The following SPA17 variants were observed in gnomAD, a reference collection of about 807,000 sequenced individuals.
SPA17 encodes the protein sperm surface protein Sp17.
Under a neutral mutation model 13.8 loss-of-function variants are expected in SPA17, and 7 were observed. The ratio of observed to expected loss-of-function variants is 0.51; its 90% CI spans 0.29 to 0.95. The LOEUF is 0.95. Ranked by LOEUF, SPA17 falls within the 40% of genes least tolerant of loss-of-function variation. The probability of loss-of-function intolerance (pLI) is 0.08; values close to 1 mark genes in which losing one functional copy is unlikely to be tolerated. For synonymous variants in SPA17, 61 were observed against 59.0 expected, an observed-to-expected ratio of 1.03 and a Z score of -0.16; for missense variants, 170 against 179.3, an observed-to-expected ratio of 0.95 and a Z score of 0.30.
At chr11:124,687,652 C>A (rs566271499) in intron 3 of SPA17, among the ~76,000 whole-genome samples, 1 of 152,054 alleles carries the variant, frequency 6.6e-6, no homozygotes, top group Non-Finnish European at 1.5e-5. Context: ...TCAACATATG[C>A]AAATCAATAA....
At chr11:124,686,913 CAGT>C (rs1329713133) in intron 3 of SPA17, among the ~76,000 whole-genome samples, 1 of 151,936 alleles carries the variant, frequency 6.6e-6, no homozygotes, top group Non-Finnish European at 1.5e-5. Context: ...ACAAACGAAA[CAGT>C]AGCAGAAGAG....
chr11:124,691,110 TAAAG>T (rs974214200), intron 3 of SPA17, among the ~76,000 whole-genome samples: 4 of 152,204 alleles, frequency 2.6e-5, no homozygotes, highest in African/African-American at 9.7e-5. Context: ...TTTTATGGGT[TAAAG>T]AAGCTCTTTC....
intron 3 of SPA17, among the ~76,000 whole-genome samples, chr11:124,690,050 A>G (rs1943611247): frequency 6.6e-6 from 1 of 152,230 alleles, no homozygotes; most frequent in Non-Finnish European, 1.5e-5. Context: ...GGAAAGCAGT[A>G]TGGAGATTTC....
chr11:124,677,376 A>T (rs1013956596), intron 2 of SPA17, among the ~76,000 whole-genome samples: 1 of 152,198 alleles, frequency 6.6e-6, no homozygotes, highest in Non-Finnish European at 1.5e-5. Flanking sequence ...ATGTTAGTAT[A>T]TGATTTAAAT....
intron 3 of SPA17, among the ~76,000 whole-genome samples, chr11:124,686,314 G>A (rs1048973930): frequency 6.6e-6 from 1 of 152,132 alleles, no homozygotes; most frequent in African/African-American, 2.4e-5. Flanking sequence ...CCCCAGCCAT[G>A]CAGAACTGTG....
chr11:124,694,587 A>C lies in SPA17; in HGVS notation c.*141A>C. ...ACTGTTGTGAAAATCTGTCATGAGC[A>C]TTTGTTTAATAAGCATACCATTGAA... On this transcript the variant is annotated 3_prime_UTR_variant, in exon 5 of 5. Transcript: ENST00000227135. 1 of 1,141,254 alleles carries C rather than the reference A, an allele frequency of 8.8e-7. No individual in the cohort carries two copies. Among genetic ancestry groups the C allele is most frequent in the Non-Finnish European group, 1.2e-6 (1 of 814,054 alleles). 70.7% of individuals were successfully genotyped at this position (1,141,254 alleles called of 1,614,324 possible).
chr11:124,675,910 A>T (rs1047330692), intron 2 of SPA17: 1 of 153,368 alleles, frequency 6.5e-6, no homozygotes, highest in Non-Finnish European at 1.5e-5. Context: ...TCACTGGGGT[A>T]TATGAAACTG....
At chr11:124,681,901 G>T (rs910467297) in intron 3 of SPA17, among the ~76,000 whole-genome samples, 2 of 152,026 alleles carry the variant, frequency 1.3e-5, no homozygotes, top group Non-Finnish European at 2.9e-5. Flanking sequence ...ATGATATTTC[G>T]TAGACCAAAA....
intron 3 of SPA17, among the ~76,000 whole-genome samples, chr11:124,682,870 T>C (rs1368254412): frequency 6.7e-6 from 1 of 148,562 alleles, no homozygotes; most frequent in Non-Finnish European, 1.5e-5. Flanking sequence ...CATCCAGATA[T>C]AGGCGGTGCA....
chr11:124,680,755 AAAT>A (rs1943520711), intron 2 of SPA17, among the ~76,000 whole-genome samples: 1 of 151,864 alleles, frequency 6.6e-6, no homozygotes, highest in South Asian at 2.1e-4. Flanking sequence ...GTTGGGTTAA[AAAT>A]AATCAGAAAA....
intron 2 of SPA17, among the ~76,000 whole-genome samples, chr11:124,677,152 G>GA (rs1943475354): frequency 6.6e-6 from 1 of 152,062 alleles, no homozygotes; most frequent in Non-Finnish European, 1.5e-5. Context: ...AAAACCATTT[G>GA]AAAAAATTGT....
intron 3 of SPA17, among the ~76,000 whole-genome samples, chr11:124,684,878 A>T (rs1943563083): frequency 6.6e-6 from 1 of 152,188 alleles, no homozygotes; most frequent in African/African-American, 2.4e-5. Context: ...GATCTGTGGA[A>T]CTTTGAACTT....
chr11:124,692,945 T>G (rs1943637288), intron 4 of SPA17, among the ~76,000 whole-genome samples: 1 of 152,232 alleles, frequency 6.6e-6, no homozygotes, highest in Non-Finnish European at 1.5e-5. Flanking sequence ...TACCTAGTGA[T>G]GCATTGCTTT....
chr11:124,682,481 CA>C (rs1428912367), intron 3 of SPA17, among the ~76,000 whole-genome samples: 1 of 151,776 alleles, frequency 6.6e-6, no homozygotes, highest in Non-Finnish European at 1.5e-5. Context: ...AAAACCAATA[CA>C]AAGAACTCAG....
intron 3 of SPA17, among the ~76,000 whole-genome samples, chr11:124,682,144 T>C (rs1943535378): frequency 6.6e-6 from 1 of 152,160 alleles, no homozygotes; most frequent in South Asian, 2.1e-4. Context: ...TGTCCTGATT[T>C]GTATCTAGAA....
chr11:124,684,896 ATAAT>A (rs1442378196), intron 3 of SPA17, among the ~76,000 whole-genome samples: 1 of 152,236 alleles, frequency 6.6e-6, no homozygotes, highest in Non-Finnish European at 1.5e-5. Context: ...CTTGAGAGAA[ATAAT>A]TTACAGTATC....
At position 124,695,668 on chromosome 11, in the gene SPA17, G is replaced by A. The variant is rs1943664784; in HGVS notation, c.*1222G>A. On this transcript the variant is annotated 3_prime_UTR_variant, in exon 5 of 5. Coordinates refer to ENST00000227135, the MANE Select transcript of SPA17 (RefSeq NM_017425.4). ...TTGTAGCATAGTCCAGCAGACTGAG[G>A]TGATTCTCTGGCTGGTTCCAATTCC... The A allele has an allele frequency of 1.3e-5, 2 of 152,348 alleles. No individual in the cohort carries two copies. Among genetic ancestry groups the A allele is most frequent in the East Asian group, 1.9e-4 (1 of 5,190 alleles). 9.4% of individuals were successfully genotyped at this position (152,348 alleles called of 1,614,324 possible). A position where few individuals can be genotyped will look rare whatever the true frequency, so the allele number is the denominator to read the frequency against.
rs1943666751 is a variant in SPA17, at chr11:124,695,867, C to T, written c.*1421C>T. 1.3e-5 allele frequency: 2 copies of T among 152,244 alleles called. No individual in the cohort carries two copies. Among genetic ancestry groups the T allele is most frequent in the Non-Finnish European group, 2.9e-5 (2 of 68,064 alleles). The allele number at this position is 152,244 out of a possible 1,614,324, so 9.4% of individuals were successfully genotyped here. A position where few individuals can be genotyped will look rare whatever the true frequency, so the allele number is the denominator to read the frequency against. ...CACAACAAATACTCTCCTACAAACA[C>T]TTTGATCCTTGTCCTAGGCTTAGAC... On this transcript the variant is annotated 3_prime_UTR_variant, in exon 5 of 5. Transcript: ENST00000227135.
At chr11:124,683,327 G>A (rs1591405080) in intron 3 of SPA17, among the ~76,000 whole-genome samples, 1 of 151,848 alleles carries the variant, frequency 6.6e-6, no homozygotes, top group Admixed American at 6.6e-5. Context: ...CACAAAGGAG[G>A]AACAGAAATG....
Sources: allele counts gnomAD v4.1 joint callset (sites outside exome capture counted in the v4.1 genomes callset), GRCh38; gene constraint gnomAD v4.1.1; transcripts MANE v1.5; gene names NCBI Gene and HGNC (gene_info 2026-07-23, HGNC 2026-07-21).